MAST4: variants seen among roughly 807,000 people sequenced by gnomAD.
MAST4 encodes the protein microtubule-associated serine/threonine-protein kinase 4.
Under a neutral mutation model 162.7 loss-of-function variants are expected in MAST4, and 89 were observed. The observed-to-expected ratio is 0.55, with a 90% CI of 0.46 to 0.65. The LOEUF (loss-of-function observed/expected upper bound fraction) is 0.65, where lower values mean the gene tolerates loss of function less well. Ranked by LOEUF, MAST4 falls within the 30% of genes least tolerant of loss-of-function variation. The pLI is 0.00. For missense variants in MAST4, 3,153 were observed against 3,374.0 expected (o/e 0.93, Z 1.62); for synonymous variants, 1,479 against 1,361.1 (o/e 1.09, Z -1.91).
intron 2 of MAST4, among the ~76,000 whole-genome samples, chr5:66,762,033 G>C (rs1361908273): frequency 6.6e-6 from 1 of 152,160 alleles, no homozygotes; most frequent in African/African-American, 2.4e-5. Flanking sequence ...TTTACATAAA[G>C]CTTTAAAATA....
In MAST4 at chr5:67,078,902, T is replaced by TTATATAAATATATTTATATA. The variant is rs1297846090; in HGVS notation, c.764-11259_764-11258insATATAAATATATTTATATAT. 1.1e-4 allele frequency among the ~76,000 whole-genome samples: 6 copies of TTATATAAATATATTTATATA among 54,090 alleles called. No individual in the cohort carries two copies. The South Asian group carries it at 3.4e-3, about 30-fold the overall frequency. 35.5% of individuals were successfully genotyped at this position (54,090 alleles called of 152,430 possible). On this transcript the variant is annotated intron_variant, in intron 5 of 28. Transcript: ENST00000403625. ...TAAATATATTTATATATTTATATAT[T>TTATATAAATATATTTATATA]TTTATATAAATATATATATATATAT... is the stretch of plus-strand genomic sequence containing the variant.
chr5:66,927,763 A>G (rs1391412827), intron 4 of MAST4, among the ~76,000 whole-genome samples: 1 of 152,220 alleles, frequency 6.6e-6, no homozygotes, highest in African/African-American at 2.4e-5. Context: ...ATGACAAAGT[A>G]TCACATATCA....
At chr5:66,847,230 A>C (rs923647712) in intron 3 of MAST4, among the ~76,000 whole-genome samples, 3 of 152,214 alleles carry the variant, frequency 2.0e-5, no homozygotes, top group Admixed American at 6.5e-5. Flanking sequence ...AGGGACCACA[A>C]GGATGGCATG....
intron 4 of MAST4, among the ~76,000 whole-genome samples, chr5:66,939,516 CTAGT>C (rs1458804176): frequency 1.3e-5 from 2 of 151,928 alleles, no homozygotes; most frequent in Non-Finnish European, 2.9e-5. Flanking sequence ...TTGTATTTTG[CTAGT>C]TAGTTATTCT....
chr5:66,716,080 A>T (rs546023601), intron 1 of MAST4, among the ~76,000 whole-genome samples: 2 of 152,288 alleles, frequency 1.3e-5, no homozygotes, highest in Admixed American at 6.5e-5. Context: ...CTAAAACATA[A>T]AAGTGTTTTA....
intron 4 of MAST4, among the ~76,000 whole-genome samples, chr5:66,983,223 A>G (rs1749076789): frequency 6.6e-6 from 1 of 152,164 alleles, no homozygotes; most frequent in Non-Finnish European, 1.5e-5. Flanking sequence ...TCTAGGCAGC[A>G]TTTGTGGGTG....
chr5:66,745,935 T>C (rs1442540756), intron 1 of MAST4, among the ~76,000 whole-genome samples: 2 of 152,206 alleles, frequency 1.3e-5, no homozygotes, highest in Non-Finnish European at 2.9e-5. Context: ...CACTTGATTG[T>C]AACAGTGATG....
chr5:67,092,682 G>T (rs1258952454), intron 6 of MAST4, among the ~76,000 whole-genome samples: 1 of 152,164 alleles, frequency 6.6e-6, no homozygotes, highest in Non-Finnish European at 1.5e-5. Context: ...GAAATGCTGT[G>T]AGTCTCTCCT....
At chr5:67,022,121 G>A (rs1179878897) in intron 4 of MAST4, among the ~76,000 whole-genome samples, 1 of 152,176 alleles carries the variant, frequency 6.6e-6, no homozygotes, top group African/African-American at 2.4e-5. Context: ...CTTTATGCCA[G>A]CATAGTGCCT....
chr5:66,834,709 A>G (rs1757841382), intron 3 of MAST4, among the ~76,000 whole-genome samples: 1 of 152,208 alleles, frequency 6.6e-6, no homozygotes. Flanking sequence ...ATGAAAAGCC[A>G]TGGCCCCCAG....
chr5:66,770,740 C>A (rs1754322848), intron 2 of MAST4, among the ~76,000 whole-genome samples: 1 of 152,186 alleles, frequency 6.6e-6, no homozygotes. Context: ...TGTACCTGAG[C>A]CCTGGATAGT....
chr5:66,843,289 C>T (rs568118081), intron 3 of MAST4, among the ~76,000 whole-genome samples: 1 of 152,276 alleles, frequency 6.6e-6, no homozygotes, highest in Admixed American at 6.5e-5. Flanking sequence ...GCTGTCCATT[C>T]ATTTGTATTT....
At chr5:67,068,182 A>G (rs1375733687) in intron 5 of MAST4, among the ~76,000 whole-genome samples, 7 of 152,164 alleles carry the variant, frequency 4.6e-5, no homozygotes, top group Non-Finnish European at 1.0e-4. Context: ...TCCTGAACAC[A>G]GTGTTTAGAT....
At chr5:67,114,412 A>G in intron 12 of MAST4, 193 bp downstream of exon 12, 1 of 588,898 alleles carries the variant, frequency 1.7e-6, no homozygotes, top group South Asian at 2.2e-5. Context: ...AGCATGACCC[A>G]TTTTGTGTCT....
intron 1 of MAST4, among the ~76,000 whole-genome samples, chr5:66,673,142 A>AT (rs762184226): frequency 5.9e-5 from 9 of 151,816 alleles, no homozygotes; most frequent in Non-Finnish European, 7.4e-5. Flanking sequence ...TTTAACTGGA[A>AT]TTTTTTTGGT....
At chr5:66,823,119 C>T (rs1369870428) in intron 3 of MAST4, among the ~76,000 whole-genome samples, 1 of 152,166 alleles carries the variant, frequency 6.6e-6, no homozygotes, top group African/African-American at 2.4e-5. Flanking sequence ...CTTGACACTT[C>T]TCCTTCCTGC....
At chr5:67,057,941 TAAAA>T (rs11292115) in intron 5 of MAST4, among the ~76,000 whole-genome samples, 1 of 138,124 alleles carries the variant, frequency 7.2e-6, no homozygotes, top group African/African-American at 2.6e-5. Context: ...ATTGCAATTA[TAAAA>T]AAAAAAAAAA....
chr5:66,635,770 A>G lies in MAST4; in HGVS notation c.363+38752A>G, dbSNP rs896872762. The stretch of plus-strand genomic sequence containing the variant: ...TTGGCTCACTGCAACCTCCGCCAAG[A>G]TTGGGGATTCTTAACATGGAGATAG... On this transcript the variant is annotated intron_variant, in intron 1 of 28. Transcript: ENST00000403625. Among the ~76,000 whole-genome samples the G allele has an allele frequency of 4.0e-5, 6 of 150,496 alleles. No homozygotes were observed. In the East Asian group the frequency reaches 1.2e-3, roughly 30 times the overall value.
intron 4 of MAST4, among the ~76,000 whole-genome samples, chr5:66,976,135 G>A (rs954080520): frequency 3.3e-5 from 5 of 152,188 alleles, no homozygotes; most frequent in Non-Finnish European, 5.9e-5. Context: ...GGATCATTGC[G>A]TCTGCTGTTG....
Sources: gnomAD v4.1 joint callset for allele counts (sites outside exome capture counted in the v4.1 genomes callset) on GRCh38, gnomAD v4.1.1 for gene constraint, MANE v1.5 for transcripts, NCBI Gene and HGNC (gene_info 2026-07-23, HGNC 2026-07-21) for gene names.